ZNF664: variants seen among roughly 807,000 people sequenced by gnomAD.
The protein encoded by ZNF664 is zinc finger Organ of Corti 1.
A neutral mutation model predicts 18.2 loss-of-function variants in ZNF664; 10 were observed. The ratio of observed to expected loss-of-function variants is 0.55; its 90% CI spans 0.34 to 0.93. The LOEUF is 0.93. Among genes scored for constraint, ZNF664 ranks in the 40% least tolerant of loss-of-function variants. The probability of loss-of-function intolerance (pLI) is 0.02; values close to 1 mark genes in which losing one functional copy is unlikely to be tolerated. For synonymous variants in ZNF664, 119 were observed against 104.2 expected (o/e 1.14, Z -0.86); for missense variants, 193 against 319.0 (o/e 0.61, Z 3.01).
Position 124,000,727 on chromosome 12 carries a change from A to G in ZNF664, c.-660-10654A>G, listed in dbSNP as rs143865107. ...CATCAGTTGATTTGCTTGTTTTTCA[A>G]CTTTATGTAAGTGGAATCATTCAGT... is the stretch of plus-strand genomic sequence containing the variant. On this transcript the variant is annotated intron_variant, in intron 3 of 4. Coordinates refer to ENST00000337815, the MANE Select transcript of ZNF664 (RefSeq NM_152437.3). Among the ~76,000 whole-genome samples, 380 of 152,134 alleles carry G rather than the reference A, an allele frequency of 2.5e-3. 2 individuals carry two copies. The highest frequency in any genetic ancestry group is 8.9e-3 in the African/African-American group (369 of 41,514).
Position 124,015,142 on chromosome 12 carries a change from C to T in ZNF664, c.*2212C>T, listed in dbSNP as rs1199097197. 5.4e-5 allele frequency: 9 copies of T among 167,036 alleles called. No homozygotes were observed. The highest frequency in any genetic ancestry group is 1.7e-4 in the African/African-American group (7 of 41,442). The allele number at this position is 167,036 out of a possible 1,614,324, so 10.3% of individuals were successfully genotyped here. On this transcript the variant is annotated 3_prime_UTR_variant, in exon 5 of 5. Coordinates refer to ENST00000337815, the MANE Select transcript of ZNF664 (RefSeq NM_152437.3). ...ATTGGTTTGATTTCTAGCTTTATTA[C>T]TATTAGGTATGTGAGCTTGGGCAAA...
In ZNF664 at chr12:124,012,867, C is replaced by A; in HGVS notation, c.723C>A (p.Ser241Arg). The change falls in exon 5 of 5, where the codon AGC (serine) becomes AGA (arginine). Residue 241 changes from serine to arginine, a missense_variant. Around this residue, in one of 3 missense-constraint regions of ZNF664, gnomAD observed 42 missense variants for 46.4 expected, o/e 0.91. Coordinates refer to ENST00000337815, the MANE Select transcript of ZNF664 (RefSeq NM_152437.3). ...GAAAGGCCTTCAGTCAGAGTACGAG[C>A]CTCTGCATCCACCAGAGAGTCCACA... Reference protein sequence around the residue: ...ECGKAFSQSTSLCIHQRVHTK... With the variant: ...ECGKAFSQSTRLCIHQRVHTK... The A allele has an allele frequency of 6.2e-7, 1 of 1,614,030 alleles. No individual in the cohort carries two copies. Among genetic ancestry groups the A allele is most frequent in the Non-Finnish European group, 8.5e-7 (1 of 1,179,994 alleles).
intron 3 of ZNF664, among the ~76,000 whole-genome samples, chr12:124,000,510 T>TG (rs1042757734): frequency 6.6e-6 from 1 of 152,224 alleles, no homozygotes; most frequent in African/African-American, 2.4e-5. Context: ...ATTTCTTCCC[T>TG]GAACTTTTCC....
intron 2 of ZNF664, among the ~76,000 whole-genome samples, chr12:123,984,221 A>G (rs774774331): frequency 4.6e-5 from 7 of 152,194 alleles, no homozygotes; most frequent in African/African-American, 7.2e-5. Context: ...CGGCCAACTG[A>G]TAATACTGGG....
chr12:124,014,380 A>G lies in ZNF664; in HGVS notation c.*1450A>G, dbSNP rs1312865545. On this transcript the variant is annotated 3_prime_UTR_variant, in exon 5 of 5. Coordinates refer to ENST00000337815, the MANE Select transcript of ZNF664 (RefSeq NM_152437.3). ...GGGGAGAGATGCCGAGGTGGTCAGT[A>G]TCCTGACTTTCAGAGGCCTTTTTTT... is the stretch of plus-strand genomic sequence containing the variant. 1 of 167,086 alleles carries G rather than the reference A, an allele frequency of 6.0e-6. No individual in the cohort carries two copies. Among genetic ancestry groups the G allele is most frequent in the East Asian group, 1.9e-4 (1 of 5,194 alleles). The allele number at this position is 167,086 out of a possible 1,614,324, so 10.4% of individuals were successfully genotyped here. A position where few individuals can be genotyped will look rare whatever the true frequency, so the allele number is the denominator to read the frequency against.
chr12:123,995,060 G>A (rs1956931959), intron 3 of ZNF664, among the ~76,000 whole-genome samples: 1 of 152,168 alleles, frequency 6.6e-6, no homozygotes, highest in Non-Finnish European at 1.5e-5. Context: ...ATCTGAGGAG[G>A]TTGGGATTAC....
intron 3 of ZNF664, among the ~76,000 whole-genome samples, chr12:124,011,059 A>G (rs761636049): frequency 4.6e-5 from 7 of 152,234 alleles, no homozygotes; most frequent in Non-Finnish European, 7.3e-5. Context: ...ATTGAGGACA[A>G]GTAGGAGAAT....
intron 2 of ZNF664, among the ~76,000 whole-genome samples, chr12:123,984,257 A>AGG (rs1322716294): frequency 5.3e-5 from 8 of 152,260 alleles, no homozygotes; most frequent in African/African-American, 1.7e-4. Flanking sequence ...TAGAACACAG[A>AGG]GGCCGTAGGG....
At chr12:123,988,573 A>C (rs918154469) in intron 3 of ZNF664, among the ~76,000 whole-genome samples, 1 of 151,358 alleles carries the variant, frequency 6.6e-6, no homozygotes, top group Admixed American at 6.6e-5. Flanking sequence ...TTGCTTTGTA[A>C]ATTTCTGGTG....
At position 124,014,424 on chromosome 12, in the gene ZNF664, T is replaced by G. The variant is rs1354823277; in HGVS notation, c.*1494T>G. The G allele has an allele frequency of 6.0e-6, 1 of 167,084 alleles. No individual in the cohort carries two copies. The highest frequency in any genetic ancestry group is 1.5e-5 in the Non-Finnish European group (1 of 68,128). The allele number at this position is 167,084 out of a possible 1,614,324, so 10.4% of individuals were successfully genotyped here. A position where few individuals can be genotyped will look rare whatever the true frequency, so the allele number is the denominator to read the frequency against. On this transcript the variant is annotated 3_prime_UTR_variant, in exon 5 of 5. Coordinates refer to ENST00000337815, the MANE Select transcript of ZNF664 (RefSeq NM_152437.3). ...TTTTTTTGTTTGTTTTAATTTTTGC[T>G]AGATTGATATTAAAAACTCATGTGG... is the stretch of plus-strand genomic sequence containing the variant.
intron 3 of ZNF664, chr12:123,998,630 G>A (rs984689792): frequency 3.9e-5 from 6 of 152,314 alleles, no homozygotes; most frequent in African/African-American, 1.4e-4. Context: ...GCTGAGACTA[G>A]TTAGGATGCC....
At chr12:123,975,029 G>A (rs1312133529) in intron 2 of ZNF664, among the ~76,000 whole-genome samples, 2 of 152,130 alleles carry the variant, frequency 1.3e-5, no homozygotes, top group African/African-American at 4.8e-5. Flanking sequence ...CTCCCCTATG[G>A]TAGTTCTGAC....
At chr12:123,986,322 G>A (rs1956824618) in intron 2 of ZNF664, among the ~76,000 whole-genome samples, 1 of 152,192 alleles carries the variant, frequency 6.6e-6, no homozygotes, top group South Asian at 2.1e-4. Flanking sequence ...AGGAACTCAG[G>A]CTGTCCAGAG....
intron 1 of ZNF664, 41 bp downstream of exon 1, chr12:123,973,393 C>T: frequency 1.0e-6 from 1 of 960,864 alleles, no homozygotes; most frequent in Non-Finnish European, 1.2e-6. Context: ...TCTTTCTTTC[C>T]CGGAGGGAGG....
intron 3 of ZNF664, among the ~76,000 whole-genome samples, chr12:123,993,119 G>A (rs1040013236): frequency 2.2e-4 from 34 of 152,186 alleles, no homozygotes; most frequent in Admixed American, 4.6e-4. Context: ...AGGGTTTGGC[G>A]AAGTCAGAGA....
At chr12:123,985,448 C>T (rs957229533) in intron 2 of ZNF664, among the ~76,000 whole-genome samples, 3 of 152,168 alleles carry the variant, frequency 2.0e-5, no homozygotes, top group Admixed American at 6.5e-5. Context: ...TTCTGACACA[C>T]GTCAAATGTT....
At chr12:123,988,405 CATGTGAA>C (rs1956849383) in intron 3 of ZNF664, among the ~76,000 whole-genome samples, 1 of 152,114 alleles carries the variant, frequency 6.6e-6, no homozygotes, top group African/African-American at 2.4e-5. Context: ...TTCTTCTTTC[CATGTGAA>C]CCATTGGTTA....
chr12:123,973,758 C>A, intron 1 of ZNF664, 128 bp from the exon 2 acceptor site: 1 of 1,224,928 alleles, frequency 8.2e-7, no homozygotes, highest in Non-Finnish European at 1.0e-6. Flanking sequence ...GCCCTCGTCG[C>A]CCGTGGAGCC....
chr12:123,976,625 C>G (rs1050306331), intron 2 of ZNF664, among the ~76,000 whole-genome samples: 2 of 151,292 alleles, frequency 1.3e-5, no homozygotes, highest in African/African-American at 4.9e-5. Context: ...CCACTCTAGT[C>G]GTTGCATGCA....
Sources: gnomAD v4.1 joint callset for allele counts (sites outside exome capture counted in the v4.1 genomes callset) on GRCh38, gnomAD v4.1.1 for gene constraint, gnomAD v4.1.1 regional missense constraint, MANE v1.5 for transcripts, NCBI Gene and HGNC (gene_info 2026-07-23, HGNC 2026-07-21) for gene names.